Variants in CNTNAP1 observed in about 807,000 individuals in gnomAD.
CNTNAP1 encodes contactin associated protein 1.
A neutral mutation model predicts 161.5 loss-of-function variants in CNTNAP1; 80 were observed. That is an observed-to-expected ratio of 0.50 (90% CI 0.41 to 0.60). CNTNAP1 has a LOEUF of 0.60. Ranked by LOEUF, CNTNAP1 falls within the 20% of genes least tolerant of loss-of-function variation. The pLI, the probability that CNTNAP1 is intolerant of heterozygous loss-of-function variation, is 0.00. For synonymous variants in CNTNAP1, 695 were observed against 733.1 expected (o/e 0.95, Z 0.84); for missense variants, 1,464 against 1,854.8 (o/e 0.79, Z 3.87).
intron 8 of CNTNAP1, among the ~76,000 whole-genome samples, 158 bp from the exon 9 acceptor site, chr17:42,688,304 G>C (rs1381033283): frequency 6.6e-6 from 1 of 152,158 alleles, no homozygotes; most frequent in Middle Eastern, 3.2e-3. Flanking sequence ...ATAATGAAGA[G>C]ACATTCAGAG....
Position 42,686,910 on chromosome 17 carries a change from T to G in CNTNAP1, c.908T>G (p.Ile303Ser). Residue 303 changes from isoleucine to serine, a missense_variant, in exon 7 of 24, where the codon ATC becomes AGC. By Grantham distance (142) the Ile-to-Ser change is moderately radical. Transcript: ENST00000264638. ...TCCCCACGCCTCCCGCAGATGTTCA[T>G]CGGAGGTCTGGTGGGCGCCGCGCGG... ...ERLNLDTEMF[I>S]GGLVGAARKN... The G allele has an allele frequency of 6.2e-7, 1 of 1,603,236 alleles. No homozygotes were observed. Among genetic ancestry groups the G allele is most frequent in the Non-Finnish European group, 8.5e-7 (1 of 1,171,536 alleles).
At chr17:42,693,687 T>C (rs2053120437) in intron 18 of CNTNAP1, 151 bp downstream of exon 18, 10 of 1,141,128 alleles carry the variant, frequency 8.8e-6, no homozygotes, top group Non-Finnish European at 1.2e-5. Flanking sequence ...AGTTAGGCAG[T>C]TGAAGATCAT....
At chr17:42,692,096 G>A (rs2053094717) in intron 16 of CNTNAP1, 105 bp downstream of exon 16, 2 of 1,216,102 alleles carry the variant, frequency 1.6e-6, no homozygotes, top group Non-Finnish European at 2.4e-6. Flanking sequence ...CTTTTGACAG[G>A]CAGCATGGGA....
Position 42,697,573 on chromosome 17 carries a change from G to A in CNTNAP1, c.3588G>A (p.Pro1196=), listed in dbSNP as rs142952244. The part of the protein sequence containing the change: ...GRVMETGVID[P]EIQRYNTPGF... ...TCTCAGAGACAGGAGTCATTGACCC[G>A]GAGATCCAGCGCTACAACACCCCAG... is the stretch of plus-strand genomic sequence containing the variant. The change falls in exon 22 of 24, where the codon CCG becomes CCA. Residue 1196 remains proline (P), a synonymous_variant. Coordinates refer to ENST00000264638, the MANE Select transcript of CNTNAP1 (RefSeq NM_003632.3). 2,526 of 1,613,990 alleles carry A rather than the reference G, an allele frequency of 1.6e-3. 5 individuals are homozygous for A. Among genetic ancestry groups the A allele is most frequent in the Non-Finnish European group, 1.8e-3 (2,149 of 1,179,982 alleles).
chr17:42,695,915 C>T, intron 19 of CNTNAP1, 41 bp downstream of exon 19: 1 of 1,597,698 alleles, frequency 6.3e-7, no homozygotes, highest in South Asian at 1.1e-5. Context: ...CCAGCTTCAC[C>T]CCGGTGCCCC....
In CNTNAP1 at chr17:42,682,603, G is replaced by C; in HGVS notation, c.-227G>C. The C allele has an allele frequency of 1.7e-6, 1 of 584,500 alleles. No homozygotes were observed. Among genetic ancestry groups the C allele is most frequent in the Non-Finnish European group, 3.0e-6 (1 of 328,150 alleles). The allele number at this position is 584,500 out of a possible 1,614,324, so 36.2% of individuals were successfully genotyped here. A position where few individuals can be genotyped will look rare whatever the true frequency, so the allele number is the denominator to read the frequency against. ...AGAGGAAAGAGGGTGGAAAGGAGAG[G>C]ATAGAGAGAGAAGAGCGGAGGACCA... On this transcript the variant is annotated 5_prime_UTR_variant, in exon 1 of 24. Coordinates refer to ENST00000264638, the MANE Select transcript of CNTNAP1 (RefSeq NM_003632.3).
rs1437333768 is a variant in CNTNAP1 at position 42,683,523 on chromosome 17, G to A, written c.68-298G>A. On this transcript the variant is annotated intron_variant, in intron 1 of 23. Coordinates refer to ENST00000264638, the MANE Select transcript of CNTNAP1 (RefSeq NM_003632.3). ...AGGTTGTGGAAGATGCTGAGGTTTA[G>A]GATTGAGTTTGGGAAAGTACTAAAC... The A allele has an allele frequency of 3.2e-6, 4 of 1,246,714 alleles. No individual in the cohort carries two copies. The Admixed American group carries it at 1.5e-4, about 48-fold the overall frequency. 77.2% of individuals were successfully genotyped at this position (1,246,714 alleles called of 1,614,324 possible).
intron 18 of CNTNAP1, 27 bp from the exon 19 acceptor site, chr17:42,695,494 C>T: frequency 1.3e-6 from 2 of 1,554,502 alleles, no homozygotes; most frequent in South Asian, 2.3e-5. Flanking sequence ...AGTGTGGGGG[C>T]CCTAACCTCC....
Position 42,697,735 on chromosome 17 carries a change from C to A in CNTNAP1, c.3750C>A (p.Cys1250Ter). 6.2e-7 allele frequency: 1 copy of A among 1,614,140 alleles called. No homozygotes were observed. The highest frequency in any genetic ancestry group is 8.5e-7 in the Non-Finnish European group (1 of 1,180,028). ...AGGGAGAACTGTCCGAATCTAATTG[C>A]GGAGCTATGCCACGTCTTGTTTCAG... The part of the protein sequence containing the change: ...RVQGELSESN[C>*]GAMPRLVSEV... The change falls in exon 22 of 24, where the codon TGC (cysteine) becomes TGA (stop). Residue 1250 changes from cysteine (C) to a stop codon, truncating the protein, a stop_gained. Transcript: ENST00000264638. LOFTEE classifies it high-confidence loss of function.
rs1567970950 is a variant in CNTNAP1 at position 42,687,058 on chromosome 17, G to C, written c.1044+12G>C. 1.9e-6 allele frequency: 3 copies of C among 1,606,446 alleles called. No individual in the cohort carries two copies. In the East Asian group the frequency reaches 6.7e-5, roughly 36 times the overall value. On this transcript the variant is annotated intron_variant, in intron 7 of 23. Coordinates refer to ENST00000264638, the MANE Select transcript of CNTNAP1 (RefSeq NM_003632.3). This position sits in a 1 kb window ranked among gnomAD's most constrained non-coding sequence, Gnocchi z 4.7. ...GGATCACCTTCGAGGCCAGTGGGCA[G>C]GGGGGTCTGGGAGGACAGGATATCA...
At chr17:42,692,029 G>C (rs766340538) in intron 16 of CNTNAP1, 38 bp downstream of exon 16, 5 of 1,599,760 alleles carry the variant, frequency 3.1e-6, no homozygotes, top group South Asian at 1.1e-5. Context: ...CGGGGTAGAT[G>C]AAAGTGCTGT....
intron 18 of CNTNAP1, among the ~76,000 whole-genome samples, chr17:42,693,950 C>A (rs375911863): frequency 6.6e-6 from 1 of 152,040 alleles, no homozygotes; most frequent in Non-Finnish European, 1.5e-5. Flanking sequence ...CTGCAACCTC[C>A]GCCTGGTTCA....
Position 42,687,440 on chromosome 17 carries a change from A to G in CNTNAP1, c.1045-280A>G. The G allele has an allele frequency of 1.8e-6, 1 of 541,290 alleles. No individual in the cohort carries two copies. Among genetic ancestry groups the G allele is most frequent in the Non-Finnish European group, 3.3e-6 (1 of 305,346 alleles). The allele number at this position is 541,290 out of a possible 1,614,324, so 33.5% of individuals were successfully genotyped here. ...TGGCAGGAGCCAGGTCTGTGGTCCA[A>G]AATTGCCTCTCGATACTGGAAGGAG... On this transcript the variant is annotated intron_variant, in intron 7 of 23. Coordinates refer to ENST00000264638, the MANE Select transcript of CNTNAP1 (RefSeq NM_003632.3). The surrounding 1 kb of genome is among the most constrained non-coding windows in gnomAD (Gnocchi z 4.7).
At chr17:42,684,266 T>G (rs746148501) in intron 3 of CNTNAP1, 37 bp downstream of exon 3, 1 of 1,580,418 alleles carries the variant, frequency 6.3e-7, no homozygotes, top group South Asian at 1.1e-5. Context: ...CTTGGGGAGC[T>G]TCCTCTGCTC....
rs763011893 is a variant in CNTNAP1, at chr17:42,693,405, C to T, written c.2861C>T (p.Ser954Leu). 1.9e-5 allele frequency: 30 copies of T among 1,614,118 alleles called. No individual in the cohort carries two copies. The highest frequency in any genetic ancestry group is 2.1e-5 in the Non-Finnish European group (25 of 1,180,056). ...CGTGCCAATGCCTCTGAGGGTACCT[C>T]ACCCAACTGCACAGGCCACTGTGCC... ...EGRANASEGT[S>L]PNCTGHCAHP... The change falls in exon 18 of 24, where the codon TCA (serine) becomes TTA (leucine). Residue 954 changes from serine (S) to leucine (L), a missense_variant. Around this residue, in one of 3 missense-constraint regions of CNTNAP1, gnomAD observed 1,383 missense variants for 1,765.0 expected, o/e 0.78. Coordinates refer to ENST00000264638, the MANE Select transcript of CNTNAP1 (RefSeq NM_003632.3).
intron 1 of CNTNAP1, chr17:42,683,476 G>A: frequency 8.7e-7 from 1 of 1,154,384 alleles, no homozygotes; most frequent in Non-Finnish European, 1.1e-6. Flanking sequence ...GTTGGAGCTG[G>A]ATTGGTGTCT....
Position 42,693,160 on chromosome 17 carries a change from C to G in CNTNAP1, c.2753-137C>G, listed in dbSNP as rs544012990. ...TTTTTTAGTAGAGACGGGGTTTCAT[C>G]ATGTTAGCCAGGATGGTCTCGATCT... On this transcript the variant is annotated intron_variant, in intron 17 of 23. Coordinates refer to ENST00000264638, the MANE Select transcript of CNTNAP1 (RefSeq NM_003632.3). 31 of 1,039,110 alleles carry G rather than the reference C, an allele frequency of 3.0e-5. No homozygotes were observed. In the East Asian group the frequency reaches 6.4e-4, roughly 22 times the overall value. The allele number at this position is 1,039,110 out of a possible 1,614,324, so 64.4% of individuals were successfully genotyped here.
At position 42,684,037 on chromosome 17, in the gene CNTNAP1, C is replaced by G; in HGVS notation, c.171C>G (p.Gly57=). The part of the protein sequence containing the change: ...LTAPRFARLH[G]ISGWSPRIGD... ...TTAAAGCTCCTGTCCTTTCTATAGG[C>G]ATAAGCGGGTGGTCACCACGGATTG... The change falls in exon 3 of 24, where the codon GGC becomes GGG. Residue 57 remains glycine (G), a splice_region_variant and synonymous_variant. Transcript: ENST00000264638. 1 of 1,614,130 alleles carries G rather than the reference C, an allele frequency of 6.2e-7. No individual in the cohort carries two copies. The highest frequency in any genetic ancestry group is 8.5e-7 in the Non-Finnish European group (1 of 1,179,974).
In CNTNAP1 at chr17:42,687,543, C is replaced by A; in HGVS notation, c.1045-177C>A. ...TTCCGAGGGCCGACTGGGTTGGGGC[C>A]CCCTCCACAGATGGACGAGCTTGGA... On this transcript the variant is annotated intron_variant, in intron 7 of 23. Transcript: ENST00000264638. The surrounding 1 kb of genome is among the most constrained non-coding windows in gnomAD (Gnocchi z 4.7). 1 of 807,848 alleles carries A rather than the reference C, an allele frequency of 1.2e-6. No homozygotes were observed. The highest frequency in any genetic ancestry group is 1.9e-6 in the Non-Finnish European group (1 of 513,366). 50.0% of individuals were successfully genotyped at this position (807,848 alleles called of 1,614,324 possible).
Sources: gnomAD v4.1 joint callset for allele counts (sites outside exome capture counted in the v4.1 genomes callset) on GRCh38, gnomAD v4.1.1 for gene constraint, gnomAD v4.1.1 regional missense constraint, Gnocchi (gnomAD v3.1) non-coding constraint, MANE v1.5 for transcripts, NCBI Gene and HGNC (gene_info 2026-07-23, HGNC 2026-07-21) for gene names.